The following ADGRV1 variants were observed in gnomAD, a reference collection of about 807,000 sequenced individuals.
ADGRV1 encodes adhesion G protein-coupled receptor V1.
In ADGRV1, 359 loss-of-function variants were observed where a neutral mutation model predicts 596.2. The observed-to-expected ratio is 0.60, with a 90% CI of 0.55 to 0.66. The LOEUF is 0.66. Among genes scored for constraint, ADGRV1 ranks in the 30% least tolerant of loss-of-function variants. ADGRV1 has a pLI of 0.00. For synonymous variants in ADGRV1, 2,681 were observed against 2,679.2 expected (o/e 1.00, Z -0.02); for missense variants, 7,274 against 7,575.6 (o/e 0.96, Z 1.48).
intron 60 of ADGRV1, among the ~76,000 whole-genome samples, chr5:90,775,729 C>T (rs1006681605): frequency 2.6e-5 from 4 of 152,128 alleles, no homozygotes; most frequent in African/African-American, 7.2e-5. Context: ...CCTCCCACCT[C>T]AGCCTCCCAA....
intron 57 of ADGRV1, among the ~76,000 whole-genome samples, 193 bp from the exon 58 acceptor site, chr5:90,759,216 C>T (rs1428291615): frequency 6.6e-6 from 1 of 152,110 alleles, no homozygotes; most frequent in African/African-American, 2.4e-5. Flanking sequence ...ATATACACAA[C>T]TTTAAAAGTA....
chr5:91,004,415 C>G (rs1782099940), intron 85 of ADGRV1, among the ~76,000 whole-genome samples: 1 of 151,836 alleles, frequency 6.6e-6, no homozygotes, highest in Non-Finnish European at 1.5e-5. Flanking sequence ...AAATTAGATT[C>G]TGAATCCTCC....
intron 89 of ADGRV1, among the ~76,000 whole-genome samples, chr5:91,160,864 C>A (rs184499663): frequency 8.5e-4 from 129 of 152,190 alleles, no homozygotes; most frequent in African/African-American, 3.0e-3. Flanking sequence ...GAAGAAATTG[C>A]AAAGGAGGAT....
intron 87 of ADGRV1, among the ~76,000 whole-genome samples, chr5:91,112,310 G>A (rs752271764): frequency 2.5e-4 from 38 of 152,146 alleles, no homozygotes; most frequent in Non-Finnish European, 4.3e-4. Flanking sequence ...GCTCTAATTC[G>A]TGCTATCTTT....
chr5:91,080,954 G>C (rs1049169886), intron 86 of ADGRV1, among the ~76,000 whole-genome samples: 5 of 152,042 alleles, frequency 3.3e-5, no homozygotes, highest in African/African-American at 1.2e-4. Flanking sequence ...TCTCTCAAAT[G>C]TTCCCCTCCC....
chr5:90,604,635 A>C (rs1433805425), intron 1 of ADGRV1, among the ~76,000 whole-genome samples: 1 of 152,188 alleles, frequency 6.6e-6, no homozygotes, highest in Non-Finnish European at 1.5e-5. Flanking sequence ...ACCGCTTCAT[A>C]ATATGTGAAA....
At chr5:91,036,573 A>C (rs1025455975) in intron 85 of ADGRV1, among the ~76,000 whole-genome samples, 26 of 151,764 alleles carry the variant, frequency 1.7e-4, no homozygotes, top group Non-Finnish European at 2.6e-4. Context: ...AAAAAAAAAA[A>C]AAAACGGCCA....
intron 84 of ADGRV1, among the ~76,000 whole-genome samples, chr5:90,976,334 ATATATATATATATATGTATATG>A (rs1779605807): frequency 6.9e-6 from 1 of 145,238 alleles, no homozygotes; most frequent in East Asian, 2.0e-4. Flanking sequence ...ATATATATAT[ATATATATATATATATGTATATG>A]TATATATGGA....
rs1313440606 is a variant in ADGRV1, at chr5:91,063,376, T to C, written c.18153-9071T>C. Among the ~76,000 whole-genome samples, 5 of 152,224 alleles carry C rather than the reference T, an allele frequency of 3.3e-5. No individual in the cohort carries two copies. In the South Asian group the frequency reaches 8.3e-4, roughly 25 times the overall value. ...CCACAAAATATCTCGCTTTTATTATTTTCATATCTGTCTAGTATATGGATT... is the reference window on the plus strand; with the variant it reads ...CCACAAAATATCTCGCTTTTATTATCTTCATATCTGTCTAGTATATGGATT... On this transcript the variant is annotated intron_variant, in intron 85 of 89. Coordinates refer to ENST00000405460, the MANE Select transcript of ADGRV1 (RefSeq NM_032119.4).
intron 60 of ADGRV1, 139 bp from the exon 61 acceptor site, chr5:90,776,314 G>A (rs936327453): frequency 1.2e-5 from 10 of 803,026 alleles, no homozygotes; most frequent in Non-Finnish European, 1.9e-5. Flanking sequence ...GGTAAAATGA[G>A]GATATTAATA....
intron 89 of ADGRV1, among the ~76,000 whole-genome samples, chr5:91,153,997 T>C (rs889366061): frequency 6.6e-6 from 1 of 152,204 alleles, no homozygotes; most frequent in Admixed American, 6.5e-5. Flanking sequence ...ACCGCCTGAT[T>C]AAGGGTCACA....
intron 5 of ADGRV1, among the ~76,000 whole-genome samples, chr5:90,624,580 T>C (rs958393962): frequency 1.3e-5 from 2 of 152,204 alleles, no homozygotes; most frequent in African/African-American, 2.4e-5. Context: ...ATTTTTTCTC[T>C]ATGATACTTA....
At chr5:91,044,391 A>G (rs765710057) in intron 85 of ADGRV1, among the ~76,000 whole-genome samples, 1 of 152,218 alleles carries the variant, frequency 6.6e-6, no homozygotes, top group African/African-American at 2.4e-5. Context: ...TCTACACACA[A>G]AAATGATAAT....
rs754113093 is a variant in ADGRV1, at chr5:90,755,046, T to C, written c.11441T>C (p.Ile3814Thr). The stretch of plus-strand genomic sequence containing the variant: ...AAAGGACTACTTGGGGATATTGCCA[T>C]TCACTTGAGAGCTCAACCCAATTTC... The part of the protein sequence containing the change: ...RDKGLLGDIA[I>T]HLRAQPNFLL... The change falls in exon 55 of 90, where the codon ATT (isoleucine) becomes ACT (threonine). Residue 3814 changes from isoleucine (I) to threonine (T), a missense_variant. Physicochemically the swap from Ile to Thr is moderately conservative, Grantham distance 89 (BLOSUM62 -1). Coordinates refer to ENST00000405460, the MANE Select transcript of ADGRV1 (RefSeq NM_032119.4). The C allele has an allele frequency of 1.2e-6, 2 of 1,613,204 alleles. No homozygotes were observed. Among genetic ancestry groups the C allele is most frequent in the South Asian group, 2.2e-5 (2 of 91,074 alleles).
intron 1 of ADGRV1, among the ~76,000 whole-genome samples, chr5:90,579,659 CTTG>C (rs1757714599): frequency 6.6e-6 from 1 of 152,112 alleles, no homozygotes; most frequent in Admixed American, 6.5e-5. Flanking sequence ...CCTGGATATC[CTTG>C]TTAACCTTCT....
rs1198635286 is a variant in ADGRV1 at position 90,666,132 on chromosome 5, G to A, written c.4753-6414G>A. Among the ~76,000 whole-genome samples the A allele has an allele frequency of 1.5e-3, 223 of 150,618 alleles. 1 individual carries two copies. Among genetic ancestry groups the A allele is most frequent in the African/African-American group, 5.2e-3 (211 of 40,908 alleles). On this transcript the variant is annotated intron_variant, in intron 21 of 89. Transcript: ENST00000405460. The stretch of plus-strand genomic sequence containing the variant: ...AGTTCTGTAGATGTCTATTAGGTCC[G>A]CTTGGTGCAGAGCTGAGTTCAATTC...
At chr5:90,945,915 T>C (rs576791923) in intron 83 of ADGRV1, among the ~76,000 whole-genome samples, 3 of 151,650 alleles carry the variant, frequency 2.0e-5, no homozygotes, top group Non-Finnish European at 4.4e-5. Flanking sequence ...GAGGTAGAGG[T>C]TGCAGTGAGA....
intron 87 of ADGRV1, among the ~76,000 whole-genome samples, chr5:91,123,367 G>A (rs1446777881): frequency 2.0e-5 from 3 of 152,126 alleles, no homozygotes; most frequent in African/African-American, 7.2e-5. Flanking sequence ...CAAGATCAAA[G>A]TGCCAGCAGA....
chr5:90,692,665 G>A lies in ADGRV1; in HGVS notation c.7012G>A (p.Ala2338Thr), dbSNP rs1462940026. 2 of 1,611,134 alleles carry A rather than the reference G, an allele frequency of 1.2e-6. No homozygotes were observed. Among genetic ancestry groups the A allele is most frequent in the Non-Finnish European group, 1.7e-6 (2 of 1,178,732 alleles). ...AGGTACTATTGGGTTAGATCGAATT[G>A]CAAATATTATTATTCCTGCCAATGA... is the stretch of plus-strand genomic sequence containing the variant. ...GGGTIGLDRI[A>T]NIIIPANDDP... Residue 2338 changes from alanine (A) to threonine (T), a missense_variant, in exon 32 of 90, where the codon GCA (alanine) becomes ACA (threonine). Around this residue, in one of 5 missense-constraint regions of ADGRV1, gnomAD observed 3,643 missense variants for 3,809.2 expected, o/e 0.96. Transcript: ENST00000405460.
Sources: allele counts gnomAD v4.1 joint callset (sites outside exome capture counted in the v4.1 genomes callset), GRCh38; gene constraint gnomAD v4.1.1; regional missense constraint gnomAD v4.1.1; transcripts MANE v1.5; gene names NCBI Gene and HGNC (gene_info 2026-07-23, HGNC 2026-07-21).